UBAP1L: variants seen among roughly 807,000 people sequenced by gnomAD.
The protein encoded by UBAP1L is ubiquitin-associated protein 1-like.
In UBAP1L, 32 loss-of-function variants were observed where a neutral mutation model predicts 32.1. That is an observed-to-expected ratio of 1.00 (90% CI 0.75 to 1.34). The LOEUF (loss-of-function observed/expected upper bound fraction) is 1.34, where lower values mean the gene tolerates loss of function less well. UBAP1L is among the 40% of genes most tolerant of loss of function. UBAP1L has a pLI of 0.00. For missense variants in UBAP1L, 516 were observed against 540.5 expected (o/e 0.95, Z 0.45); for synonymous variants, 243 against 250.2 (o/e 0.97, Z 0.27).
intron 4 of UBAP1L, chr15:65,096,989 C>T (rs1366896665): frequency 6.6e-6 from 1 of 152,268 alleles, no homozygotes; most frequent in Non-Finnish European, 1.5e-5. Context: ...GTTACCAGGA[C>T]TTCACAGAAC....
rs553581272 is a variant in UBAP1L, at chr15:65,108,707, G to A, written c.-173-2319C>T. Among the ~76,000 whole-genome samples, 61 of 151,748 alleles carry A rather than the reference G, an allele frequency of 4.0e-4. 1 individual carries two copies. The South Asian group carries it at 0.013, about 32-fold the overall frequency. On this transcript the variant is annotated intron_variant, in intron 1 of 5. Transcript: ENST00000559089. ...CTGCAGTAAGATGAGTGAGCTGTGA[G>A]CCCAGGTTGCACTCCAGCCTGGGCA... is the stretch of plus-strand genomic sequence containing the variant.
At chr15:65,109,828 G>A (rs1364656176) in intron 1 of UBAP1L, among the ~76,000 whole-genome samples, 2 of 152,138 alleles carry the variant, frequency 1.3e-5, no homozygotes, top group Non-Finnish European at 2.9e-5. Flanking sequence ...AATATCAAGC[G>A]ATGATGAGGA....
Position 65,094,608 on chromosome 15 carries a change from G to A in UBAP1L, c.910-32C>T. The A allele has an allele frequency of 2.0e-6, 3 of 1,495,626 alleles. No homozygotes were observed. The highest frequency in any genetic ancestry group is 2.7e-6 in the Non-Finnish European group (3 of 1,097,298). The allele number at this position is 1,495,626 out of a possible 1,614,324, so 92.6% of individuals were successfully genotyped here. ...CGGAAGCGGGCAGAGAGGGAGGGAGGGTAAGAGGAGCAGCCGGGGCAGCAG... is the reference window on the plus strand; with the variant it reads ...CGGAAGCGGGCAGAGAGGGAGGGAGAGTAAGAGGAGCAGCCGGGGCAGCAG... On this transcript the variant is annotated intron_variant, in intron 4 of 5. Transcript: ENST00000559089. This position sits in a 1 kb window ranked among gnomAD's most constrained non-coding sequence, Gnocchi z 4.2.
Position 65,102,422 on chromosome 15 carries a change from A to T in UBAP1L, c.383T>A (p.Leu128His). Residue 128 changes from leucine to histidine, a missense_variant, in exon 3 of 6, where the codon CTC becomes CAC. Physicochemically the swap from Leu to His is moderately conservative, Grantham distance 99. Transcript: ENST00000559089. This position sits in a 1 kb window ranked among gnomAD's most constrained non-coding sequence, Gnocchi z 5.0. Reference sequence around the variant, plus strand: ...GGGGCTCGCCGGGGAGCCCGGTTGGAGGCTGCTGGGGGCCGGCTCTTCCTC... The same window carrying T: ...GGGGCTCGCCGGGGAGCCCGGTTGGTGGCTGCTGGGGGCCGGCTCTTCCTC... ...GSEEEPAPSS[L>H]QPGSPASPGP... 7.0e-7 allele frequency: 1 copy of T among 1,426,476 alleles called. No individual in the cohort carries two copies. The allele number at this position is 1,426,476 out of a possible 1,614,324, so 88.4% of individuals were successfully genotyped here. A position where few individuals can be genotyped will look rare whatever the true frequency, so the allele number is the denominator to read the frequency against.
chr15:65,109,916 A>T (rs1386139843), intron 1 of UBAP1L, among the ~76,000 whole-genome samples: 2 of 152,232 alleles, frequency 1.3e-5, no homozygotes, highest in African/African-American at 4.8e-5. Flanking sequence ...CCTGAAAGCC[A>T]AGAATTAAGA....
intron 1 of UBAP1L, among the ~76,000 whole-genome samples, chr15:65,107,891 G>A (rs1382257233): frequency 6.6e-6 from 1 of 152,038 alleles, no homozygotes; most frequent in Non-Finnish European, 1.5e-5. Context: ...CACGTTCAAG[G>A]ATTGTAAAAC....
intron 1 of UBAP1L, among the ~76,000 whole-genome samples, chr15:65,107,149 T>A (rs927992418): frequency 7.9e-5 from 12 of 151,540 alleles, no homozygotes; most frequent in African/African-American, 2.7e-4. Flanking sequence ...AGATGAAAAA[T>A]TATATAATTA....
chr15:65,105,808 T>G (rs764638966), intron 2 of UBAP1L: 1 of 710,010 alleles, frequency 1.4e-6, no homozygotes, highest in Non-Finnish European at 2.6e-6. Flanking sequence ...GAATTTGTTT[T>G]TGAGACGAAG....
chr15:65,094,928 T>C lies in UBAP1L; in HGVS notation c.910-352A>G. 3.1e-6 allele frequency: 1 copy of C among 327,708 alleles called. No homozygotes were observed. Among genetic ancestry groups the C allele is most frequent in the East Asian group, 7.3e-5 (1 of 13,672 alleles). The allele number at this position is 327,708 out of a possible 1,614,324, so 20.3% of individuals were successfully genotyped here. A position where few individuals can be genotyped will look rare whatever the true frequency, so the allele number is the denominator to read the frequency against. On this transcript the variant is annotated intron_variant, in intron 4 of 5. Coordinates refer to ENST00000559089, the MANE Select transcript of UBAP1L (RefSeq NM_001163692.2). This position sits in a 1 kb window ranked among gnomAD's most constrained non-coding sequence, Gnocchi z 4.2. ...ACCACCCAACGCAATTCAACATTCA[T>C]GCACCACCCACCCCTGTCTGGGAGC...
At chr15:65,113,905 G>C (rs1203946221) in intron 1 of UBAP1L, among the ~76,000 whole-genome samples, 1 of 151,880 alleles carries the variant, frequency 6.6e-6, no homozygotes, top group Non-Finnish European at 1.5e-5. Context: ...TTACTTTTTT[G>C]AGATGAAGTC....
intron 1 of UBAP1L, among the ~76,000 whole-genome samples, chr15:65,109,071 C>A (rs563338051): frequency 2.7e-5 from 4 of 148,102 alleles, no homozygotes; most frequent in Non-Finnish European, 4.5e-5. Flanking sequence ...GCAGGAGAAT[C>A]GCTTGAACCT....
intron 3 of UBAP1L, chr15:65,100,604 TTC>T (rs2087230089): frequency 6.6e-6 from 1 of 152,248 alleles, no homozygotes; most frequent in African/African-American, 2.4e-5. Flanking sequence ...GCCCCGAACC[TTC>T]TCCCATGAGG....
In UBAP1L at chr15:65,102,658, T is replaced by G; in HGVS notation, c.147A>C (p.Ala49=). Residue 49 remains alanine (A), a synonymous_variant, in exon 3 of 6, where the codon GCA becomes GCC. Coordinates refer to ENST00000559089, the MANE Select transcript of UBAP1L (RefSeq NM_001163692.2). This position sits in a 1 kb window ranked among gnomAD's most constrained non-coding sequence, Gnocchi z 5.0. ...GGCCGGCGGCCTCCACCCAGAAGAG[T>G]GCCGTCCTCTCCAGGCTGAAGTCGT... The part of the protein sequence containing the change: ...SMHDFSLERT[A]LFWVEAAGQG... 4 of 1,547,438 alleles carry G rather than the reference T, an allele frequency of 2.6e-6. No homozygotes were observed. The highest frequency in any genetic ancestry group is 3.5e-6 in the Non-Finnish European group (4 of 1,146,438).
At chr15:65,105,009 T>TAAAAAA (rs750257442) in intron 2 of UBAP1L, 6 of 85,038 alleles carry the variant, frequency 7.1e-5, no homozygotes, top group South Asian at 2.2e-4. Flanking sequence ...CTGTCTCAAA[T>TAAAAAA]GAAAAAAAAA....
At chr15:65,111,516 C>G (rs1370450591) in intron 1 of UBAP1L, among the ~76,000 whole-genome samples, 2 of 152,188 alleles carry the variant, frequency 1.3e-5, no homozygotes, top group Admixed American at 6.5e-5. Flanking sequence ...GACTCTCGCT[C>G]TGTCTCCCAG....
Position 65,099,728 on chromosome 15 carries a change from A to G in UBAP1L, c.700-14T>C, listed in dbSNP as rs1171782702. The G allele has an allele frequency of 6.5e-7, 1 of 1,538,712 alleles. No individual in the cohort carries two copies. Among genetic ancestry groups the G allele is most frequent in the Non-Finnish European group, 8.8e-7 (1 of 1,138,846 alleles). On this transcript the variant is annotated splice_polypyrimidine_tract_variant and intron_variant, in intron 3 of 5. Transcript: ENST00000559089. ...CGGGCTGAGGGACTGAAATACAGACAGACTGGACATGTCAGTTACTACAGG... is the reference window on the plus strand; with the variant it reads ...CGGGCTGAGGGACTGAAATACAGACGGACTGGACATGTCAGTTACTACAGG...
intron 4 of UBAP1L, chr15:65,095,135 G>C (rs1479584678): frequency 6.5e-6 from 1 of 154,688 alleles, no homozygotes; most frequent in Non-Finnish European, 1.4e-5. Context: ...AACTGTTCAG[G>C]TCACCCCACG....
intron 1 of UBAP1L, among the ~76,000 whole-genome samples, chr15:65,112,041 C>T (rs1595924547): frequency 6.6e-6 from 1 of 152,290 alleles, no homozygotes; most frequent in African/African-American, 2.4e-5. Context: ...GGTCACCTCA[C>T]TAGGTACAAC....
At chr15:65,105,843 T>A (rs2087302888) in intron 2 of UBAP1L, 1 of 694,828 alleles carries the variant, frequency 1.4e-6, no homozygotes, top group Non-Finnish European at 2.6e-6. Flanking sequence ...CAGGCTGAAA[T>A]GCAGTGGCAC....
Sources: allele counts gnomAD v4.1 joint callset (sites outside exome capture counted in the v4.1 genomes callset), GRCh38; gene constraint gnomAD v4.1.1; non-coding constraint Gnocchi (gnomAD v3.1); transcripts MANE v1.5; gene names NCBI Gene and HGNC (gene_info 2026-07-23, HGNC 2026-07-21).